Variants in DCAF8L2 observed in about 807,000 individuals in gnomAD.
The protein encoded by DCAF8L2 is DDB1 and CUL4 associated factor 8 like 2.
For synonymous variants in DCAF8L2, 200 were observed against 190.9 expected, an observed-to-expected ratio of 1.05 and a Z score of -0.39; for missense variants, 430 against 490.7, an observed-to-expected ratio of 0.88 and a Z score of 1.17.
chrX:27,587,985 A>AAAATATATATATATATATATAT, upstream of DCAF8L2, among the ~76,000 whole-genome samples: 19 of 22,318 alleles, frequency 8.5e-4, no homozygotes, highest in African/African-American at 1.3e-3. Flanking sequence ...TAAAAAAAAA[A>AAAATATATATATATATATATAT]ATATATATAT....
At chrX:27,513,431 G>T in the DCAF8L2 span, among the ~76,000 whole-genome samples, 1 of 111,810 alleles carries the variant, frequency 8.9e-6, no homozygotes, top group Non-Finnish European at 1.9e-5. Flanking sequence ...GTCAGGGTGG[G>T]CATGGTGGCT....
At chrX:27,529,668 T>A in the DCAF8L2 span, among the ~76,000 whole-genome samples, 1 of 112,208 alleles carries the variant, frequency 8.9e-6, no homozygotes, top group East Asian at 2.8e-4. Context: ...AGCAATACTT[T>A]GAGCAACAAA....
intron 3 of DCAF8L2, among the ~76,000 whole-genome samples, chrX:27,713,153 A>T (rs1269260594): frequency 8.9e-6 from 1 of 111,794 alleles, no homozygotes; most frequent in African/African-American, 3.2e-5. Flanking sequence ...GAATAATTTT[A>T]TGTAAAGAAG....
the DCAF8L2 span, among the ~76,000 whole-genome samples, chrX:27,528,899 G>C: frequency 1.8e-5 from 2 of 111,560 alleles, no homozygotes; most frequent in African/African-American, 6.5e-5. Context: ...AACAACTAGT[G>C]CAATTGTATC....
chrX:27,613,733 T>C (rs1280023306), intron 1 of DCAF8L2, among the ~76,000 whole-genome samples: 3 of 111,507 alleles, frequency 2.7e-5, no homozygotes, highest in Non-Finnish European at 5.6e-5. Flanking sequence ...TCTTTGGTTC[T>C]GTTTATGTGA....
chrX:27,623,486 C>A (rs1355169385), intron 1 of DCAF8L2, among the ~76,000 whole-genome samples: 1 of 109,693 alleles, frequency 9.1e-6, no homozygotes, highest in African/African-American at 3.3e-5. Context: ...AATCAAAGTC[C>A]TAAAAGAGAA....
At chrX:27,598,450 C>G (rs1926465167) in intron 1 of DCAF8L2, among the ~76,000 whole-genome samples, 1 of 112,433 alleles carries the variant, frequency 8.9e-6, no homozygotes, top group Non-Finnish European at 1.9e-5. Context: ...TTCCATTGTT[C>G]TACATTCCTT....
intron 1 of DCAF8L2, among the ~76,000 whole-genome samples, chrX:27,592,294 T>C (rs1260739934): frequency 8.9e-6 from 1 of 112,374 alleles, no homozygotes; most frequent in East Asian, 2.8e-4. Context: ...GGGAACTGCA[T>C]GTGCTGCCGC....
At chrX:27,682,182 C>G (rs1043189004) in intron 3 of DCAF8L2, among the ~76,000 whole-genome samples, 2 of 111,485 alleles carry the variant, frequency 1.8e-5, no homozygotes, top group Admixed American at 1.9e-4. Flanking sequence ...TCAGGCTGGT[C>G]TCAAATTTCT....
In DCAF8L2 at chrX:27,749,023, AC is replaced by A. The variant is rs1192651881; in HGVS notation, c.*236del. Among the ~76,000 whole-genome samples, 5 of 108,767 alleles carry A rather than the reference AC, an allele frequency of 4.6e-5. No homozygotes were observed. The highest frequency in any genetic ancestry group is 1.3e-4 in the African/African-American group (4 of 29,690). The allele number at this position is 108,767 out of a possible 115,157, so 94.5% of individuals were successfully genotyped here. ...TTGGTTTCTTTACGCCTCTTTTGTT[AC>A]CCCTTATTCTTACATGAGTGCATAC... On this transcript the variant is annotated 3_prime_UTR_variant, in exon 5 of 5. Transcript: ENST00000451261.
Position 27,730,928 on chromosome X carries a change from G to A in DCAF8L2, c.-59+14757G>A, listed in dbSNP as rs1337248419. ...CGTCAGAGATAGAGCTCCCAATTTC[G>A]TATCACAGGCCTTTAATATCACTGT... On this transcript the variant is annotated intron_variant, in intron 4 of 4. Coordinates refer to ENST00000451261, the MANE Select transcript of DCAF8L2 (RefSeq NM_001353450.2). Among the ~76,000 whole-genome samples the A allele has an allele frequency of 3.6e-5, 4 of 110,911 alleles. No individual in the cohort carries two copies. The East Asian group carries it at 8.5e-4, about 24-fold the overall frequency.
the DCAF8L2 span, among the ~76,000 whole-genome samples, chrX:27,504,350 A>G: frequency 1.8e-5 from 2 of 111,702 alleles, no homozygotes; most frequent in Admixed American, 1.9e-4. Flanking sequence ...TCTCATATTC[A>G]GATTTCGCTT....
intron 3 of DCAF8L2, among the ~76,000 whole-genome samples, chrX:27,693,745 G>A (rs1930794680): frequency 8.9e-6 from 1 of 111,812 alleles, no homozygotes; most frequent in African/African-American, 3.2e-5. Context: ...AAAAAGGAAC[G>A]TTTATACACT....
At chrX:27,544,771 G>A in the DCAF8L2 span, among the ~76,000 whole-genome samples, 1 of 111,836 alleles carries the variant, frequency 8.9e-6, no homozygotes, top group Admixed American at 9.5e-5. Context: ...GTGGCTCAAA[G>A]ATTGATAAGA....
At chrX:27,661,513 CT>C (rs1369016126) in intron 2 of DCAF8L2, among the ~76,000 whole-genome samples, 77 of 111,229 alleles carry the variant, frequency 6.9e-4, no homozygotes, top group African/African-American at 2.4e-3. Flanking sequence ...CCAGTGTTTT[CT>C]TTTTTTCATA....
At position 27,742,398 on chromosome X, in the gene DCAF8L2, G is replaced by A. The variant is rs1921903289; in HGVS notation, c.-58-4440G>A. Among the ~76,000 whole-genome samples, 12 of 109,623 alleles carry A rather than the reference G, an allele frequency of 1.1e-4. No individual in the cohort carries two copies. In the Admixed American group the frequency reaches 1.2e-3, roughly 11 times the overall value. On this transcript the variant is annotated intron_variant, in intron 4 of 4. Coordinates refer to ENST00000451261, the MANE Select transcript of DCAF8L2 (RefSeq NM_001353450.2). ...AGCCTGGCCAATATGGTGGAACCCC[G>A]TCTCCACTGAAAATAGAAAAATTAG...
chrX:27,503,960 A>G, the DCAF8L2 span, among the ~76,000 whole-genome samples: 2 of 112,257 alleles, frequency 1.8e-5, no homozygotes, highest in East Asian at 5.6e-4. Flanking sequence ...GAATATGATG[A>G]CATTCTCTTC....
the DCAF8L2 span, among the ~76,000 whole-genome samples, chrX:27,511,110 C>T: frequency 9.0e-6 from 1 of 110,918 alleles, no homozygotes; most frequent in South Asian, 3.8e-4. Flanking sequence ...CAAAGCTGTA[C>T]AAGTTTCTGC....
At chrX:27,540,353 T>C in the DCAF8L2 span, among the ~76,000 whole-genome samples, 1 of 111,893 alleles carries the variant, frequency 8.9e-6, no homozygotes, top group African/African-American at 3.3e-5. Flanking sequence ...ATGATCCCTG[T>C]CCATATGCTC....
Sources: gnomAD v4.1 joint callset for allele counts (sites outside exome capture counted in the v4.1 genomes callset) on GRCh38, gnomAD v4.1.1 for gene constraint, MANE v1.5 for transcripts, NCBI Gene and HGNC (gene_info 2026-07-23, HGNC 2026-07-21) for gene names.